Variants in ZFAND3 observed in about 807,000 individuals in gnomAD.
The protein encoded by ZFAND3 is AN1-type zinc finger protein 3.
In ZFAND3, 10 loss-of-function variants were observed where a neutral mutation model predicts 29.6. The observed-to-expected ratio is 0.34, with a 90% CI of 0.21 to 0.57. The LOEUF (loss-of-function observed/expected upper bound fraction) is 0.57. Among genes scored for constraint, ZFAND3 ranks in the 20% least tolerant of loss-of-function variants. The pLI is 0.86. For missense variants in ZFAND3, 230 were observed against 304.5 expected (o/e 0.76, Z 1.82); for synonymous variants, 128 against 112.6 (o/e 1.14, Z -0.87).
intron 2 of ZFAND3, among the ~76,000 whole-genome samples, chr6:37,976,553 C>A (rs1762481240): frequency 7.1e-6 from 1 of 140,564 alleles, no homozygotes; most frequent in Non-Finnish European, 1.5e-5. Context: ...CACTGCACTC[C>A]AGCCTGTGTA....
intron 2 of ZFAND3, among the ~76,000 whole-genome samples, chr6:38,029,880 TAC>T (rs1763518371): frequency 6.6e-6 from 1 of 152,050 alleles, no homozygotes; most frequent in African/African-American, 2.4e-5. Context: ...TTTAAGCTTT[TAC>T]TGATTAGAGC....
chr6:38,024,315 CAAAGAA>C lies in ZFAND3; in HGVS notation c.113-37277_113-37272del, dbSNP rs571840931. Among the ~76,000 whole-genome samples, 469 of 151,732 alleles carry C rather than the reference CAAAGAA, an allele frequency of 3.1e-3. 3 individuals are homozygous for C. The highest frequency in any genetic ancestry group is 0.011 in the African/African-American group (446 of 41,382). ...GTGAAACTGTCTCTACTAAAAAATA[CAAAGAA>C]TTAGCCAGGCTTAGTGGCTGGGTGC... On this transcript the variant is annotated intron_variant, in intron 2 of 5. Transcript: ENST00000287218.
chr6:38,049,808 C>T (rs933108751), intron 2 of ZFAND3, among the ~76,000 whole-genome samples: 1 of 151,902 alleles, frequency 6.6e-6, no homozygotes, highest in African/African-American at 2.4e-5. Context: ...AAAAATATAT[C>T]TTAGAAGTTT....
chr6:38,150,969 T>A (rs901496585), intron 5 of ZFAND3, among the ~76,000 whole-genome samples: 1 of 152,116 alleles, frequency 6.6e-6, no homozygotes, highest in Admixed American at 6.5e-5. Context: ...GCTGATGGGA[T>A]GAGAAGGTGA....
In ZFAND3 at chr6:37,930,433, G is replaced by A. The variant is rs575845510; in HGVS notation, c.112+434G>A. ...CATAGAGGCTGCCATGGTGTCTCAC[G>A]CCTATAATCCCAGCACTTTGGGAGG... On this transcript the variant is annotated intron_variant, in intron 2 of 5. Transcript: ENST00000287218. Among the ~76,000 whole-genome samples the A allele has an allele frequency of 4.6e-5, 7 of 152,248 alleles. No homozygotes were observed. The East Asian group carries it at 1.2e-3, about 25-fold the overall frequency.
intron 5 of ZFAND3, among the ~76,000 whole-genome samples, chr6:38,132,022 C>G (rs1562011177): frequency 6.6e-6 from 1 of 152,182 alleles, no homozygotes; most frequent in Non-Finnish European, 1.5e-5. Context: ...TGTTTCCCCC[C>G]CACCAATTTT....
At chr6:38,137,918 G>A (rs1765873318) in intron 5 of ZFAND3, among the ~76,000 whole-genome samples, 1 of 152,268 alleles carries the variant, frequency 6.6e-6, no homozygotes, top group Middle Eastern at 3.4e-3. Flanking sequence ...GATCAGTCGG[G>A]GGCTTGCATG....
rs151325101 is a variant in ZFAND3 at position 37,876,733 on chromosome 6, A to G, written c.72-53226A>G. ...GGGGACATTTTGGAGTGTGGTTGAA[A>G]GAGCAGTAAGCCTCTTTTGCATATA... On this transcript the variant is annotated intron_variant, in intron 1 of 5. Transcript: ENST00000287218. 1.2e-4 allele frequency among the ~76,000 whole-genome samples: 19 copies of G among 152,336 alleles called. No individual in the cohort carries two copies. In the East Asian group the frequency reaches 3.5e-3, roughly 28 times the overall value.
At chr6:37,825,905 AT>A (rs1199759451) in intron 1 of ZFAND3, among the ~76,000 whole-genome samples, 1 of 152,126 alleles carries the variant, frequency 6.6e-6, no homozygotes, top group Non-Finnish European at 1.5e-5. Flanking sequence ...TATCATTTGG[AT>A]TTTTTATTAG....
At chr6:37,827,237 T>C (rs1424366445) in intron 1 of ZFAND3, among the ~76,000 whole-genome samples, 3 of 152,248 alleles carry the variant, frequency 2.0e-5, no homozygotes, top group Non-Finnish European at 4.4e-5. Context: ...ATGGGAATTA[T>C]AATGTAGTCT....
intron 2 of ZFAND3, among the ~76,000 whole-genome samples, chr6:37,955,060 C>T (rs1450911486): frequency 6.6e-6 from 1 of 152,040 alleles, no homozygotes; most frequent in Non-Finnish European, 1.5e-5. Context: ...TGTAGGTCTC[C>T]TGTGTTCTGT....
chr6:37,865,866 TC>T (rs1764580146), intron 1 of ZFAND3, among the ~76,000 whole-genome samples: 1 of 152,204 alleles, frequency 6.6e-6, no homozygotes, highest in African/African-American at 2.4e-5. Context: ...CAAAAACTTC[TC>T]TTTTCCAACT....
chr6:38,059,313 C>T (rs1219597842), intron 2 of ZFAND3, among the ~76,000 whole-genome samples: 3 of 151,762 alleles, frequency 2.0e-5, no homozygotes, highest in Non-Finnish European at 4.4e-5. Flanking sequence ...GTATTCTTAA[C>T]ATATTTTAAA....
At chr6:37,976,927 C>G (rs1027187736) in intron 2 of ZFAND3, among the ~76,000 whole-genome samples, 1 of 152,148 alleles carries the variant, frequency 6.6e-6, no homozygotes, top group African/African-American at 2.4e-5. Context: ...GACACAGAGC[C>G]AAACCATATC....
chr6:37,820,353 G>A (rs916140975), intron 1 of ZFAND3, among the ~76,000 whole-genome samples: 3 of 152,224 alleles, frequency 2.0e-5, no homozygotes, highest in Non-Finnish European at 4.4e-5. Context: ...GAGCAGGGGT[G>A]CCCCTTCCGT....
intron 1 of ZFAND3, among the ~76,000 whole-genome samples, chr6:37,862,693 G>T (rs2127384548): frequency 6.6e-6 from 1 of 151,254 alleles, no homozygotes; most frequent in East Asian, 1.9e-4. Flanking sequence ...GACAGAGCGA[G>T]ATCCTGTCTC....
rs113417903 is a variant in ZFAND3, at chr6:38,118,132, A to G, written c.529+1393A>G. ...ATAGGTGGTGGGAATAGAGGCTGAC[A>G]GCAGTTTTCAGATGTCCGTGTGTTC... On this transcript the variant is annotated intron_variant, in intron 5 of 5. Transcript: ENST00000287218. Among the ~76,000 whole-genome samples, 63 of 152,348 alleles carry G rather than the reference A, an allele frequency of 4.1e-4. 1 individual carries two copies. Among genetic ancestry groups the G allele is most frequent in the African/African-American group, 7.9e-4 (33 of 41,588 alleles).
intron 2 of ZFAND3, among the ~76,000 whole-genome samples, chr6:37,939,748 T>C (rs1441325933): frequency 3.9e-5 from 6 of 152,064 alleles, no homozygotes; most frequent in Admixed American, 2.0e-4. Context: ...TGAAAAGTAG[T>C]ATAAGAGTTA....
chr6:37,989,708 G>A (rs1762728237), intron 2 of ZFAND3, among the ~76,000 whole-genome samples: 1 of 151,998 alleles, frequency 6.6e-6, no homozygotes, highest in African/African-American at 2.4e-5. Context: ...CCATGAAACT[G>A]GGAGTGTTCC....
Sources: gnomAD v4.1 joint callset for allele counts (sites outside exome capture counted in the v4.1 genomes callset) on GRCh38, gnomAD v4.1.1 for gene constraint, MANE v1.5 for transcripts, NCBI Gene and HGNC (gene_info 2026-07-23, HGNC 2026-07-21) for gene names.